The following MACROD2 variants were observed in gnomAD, a reference collection of about 807,000 sequenced individuals.
MACROD2 encodes the protein mono-ADP ribosylhydrolase 2.
A neutral mutation model predicts 70.4 loss-of-function variants in MACROD2; 36 were observed. The ratio of observed to expected loss-of-function variants is 0.51; its 90% confidence interval spans 0.39 to 0.68. The LOEUF is 0.68. MACROD2 is among the 30% of genes least tolerant of loss of function. MACROD2 has a pLI of 0.00. For synonymous variants in MACROD2, 172 were observed against 178.8 expected (o/e 0.96, Z 0.30); for missense variants, 496 against 538.4 (o/e 0.92, Z 0.78).
intron 3 of MACROD2, among the ~76,000 whole-genome samples, chr20:14,125,739 A>G (rs1005013397): frequency 2.6e-5 from 4 of 152,198 alleles, no homozygotes; most frequent in African/African-American, 9.6e-5. Flanking sequence ...TCACAAGTAT[A>G]CAGCATAACT....
chr20:15,498,711 G>A (rs984771006), intron 7 of MACROD2, among the ~76,000 whole-genome samples: 4 of 152,074 alleles, frequency 2.6e-5, no homozygotes, highest in African/African-American at 9.7e-5. Context: ...TTTTTGTTTT[G>A]GGATGATAAA....
chr20:14,154,137 CT>C (rs1009915660), intron 3 of MACROD2, among the ~76,000 whole-genome samples: 3 of 152,116 alleles, frequency 2.0e-5, no homozygotes, highest in Non-Finnish European at 2.9e-5. Flanking sequence ...AGATAAATGG[CT>C]TTTTTTCATT....
intron 8 of MACROD2, among the ~76,000 whole-genome samples, chr20:15,688,402 G>T (rs2050255206): frequency 6.6e-6 from 1 of 152,128 alleles, no homozygotes; most frequent in African/African-American, 2.4e-5. Flanking sequence ...ATTGGAAATG[G>T]GTCTTGAAGG....
At chr20:15,974,128 C>T (rs1383387314) in intron 13 of MACROD2, among the ~76,000 whole-genome samples, 1 of 152,094 alleles carries the variant, frequency 6.6e-6, no homozygotes, top group Non-Finnish European at 1.5e-5. Flanking sequence ...CCAAGTAGAT[C>T]TGGGATTTCA....
At position 15,487,380 on chromosome 20, in the gene MACROD2, T is replaced by C. The variant is rs867281101; in HGVS notation, c.572-12394T>C. On this transcript the variant is annotated intron_variant, in intron 7 of 17. Transcript: ENST00000684519. The stretch of plus-strand genomic sequence containing the variant: ...ATGCCTCACTTGATATCTTTTGGAA[T>C]GTCTTTGAAAATGAGTTTTAGGATG... 1.3e-4 allele frequency among the ~76,000 whole-genome samples: 20 copies of C among 152,342 alleles called. No homozygotes were observed. In the Middle Eastern group the frequency reaches 0.014, roughly 104 times the overall value.
At chr20:15,473,945 T>C (rs944033376) in intron 7 of MACROD2, among the ~76,000 whole-genome samples, 2 of 152,124 alleles carry the variant, frequency 1.3e-5, no homozygotes. Context: ...TGTTCCAGAG[T>C]GTGGTTTTGG....
intron 3 of MACROD2, among the ~76,000 whole-genome samples, chr20:14,249,392 T>C (rs1330465638): frequency 1.3e-5 from 2 of 151,764 alleles, no homozygotes; most frequent in Admixed American, 1.3e-4. Context: ...GTTGTGTATA[T>C]TTTGACAAGA....
chr20:15,131,528 A>T (rs1370228326), intron 5 of MACROD2, among the ~76,000 whole-genome samples: 1 of 152,112 alleles, frequency 6.6e-6, no homozygotes, highest in Non-Finnish European at 1.5e-5. Context: ...ATAATCATTG[A>T]TATCATTTAA....
At chr20:15,469,985 A>G (rs574126830) in intron 7 of MACROD2, among the ~76,000 whole-genome samples, 1 of 152,288 alleles carries the variant, frequency 6.6e-6, no homozygotes, top group Non-Finnish European at 1.5e-5. Context: ...CAACTTGACA[A>G]TTCTATAGTT....
intron 10 of MACROD2, among the ~76,000 whole-genome samples, chr20:15,924,213 C>T (rs1321854459): frequency 6.6e-6 from 1 of 152,214 alleles, no homozygotes; most frequent in East Asian, 1.9e-4. Context: ...GTGGTAGAAA[C>T]ACAGAATTGG....
chr20:15,605,453 C>CGTGTGTGTGTGT (rs57584580), intron 8 of MACROD2, among the ~76,000 whole-genome samples: 6,690 of 141,696 alleles, frequency 0.047, 370 homozygotes, highest in African/African-American at 0.13. Context: ...AGGATGTAAG[C>CGTGTGTGTGTGT]GTGTGTGTGT....
intron 3 of MACROD2, among the ~76,000 whole-genome samples, chr20:14,387,500 C>CT (rs2083481644): frequency 6.6e-6 from 1 of 152,134 alleles, no homozygotes. Flanking sequence ...AAAAAAGTGT[C>CT]TATCTTTTTA....
At chr20:15,186,917 G>T (rs143453470) in intron 5 of MACROD2, among the ~76,000 whole-genome samples, 1 of 152,088 alleles carries the variant, frequency 6.6e-6, no homozygotes, top group African/African-American at 2.4e-5. Context: ...TAATCATGAC[G>T]CATATTTTAA....
intron 5 of MACROD2, among the ~76,000 whole-genome samples, chr20:14,846,297 C>T (rs2073139219): frequency 6.6e-6 from 1 of 151,942 alleles, no homozygotes; most frequent in Admixed American, 6.6e-5. Flanking sequence ...GATCTCGGCT[C>T]ACTGCAACCT....
chr20:14,381,309 C>T (rs1277067841), intron 3 of MACROD2, among the ~76,000 whole-genome samples: 1 of 151,854 alleles, frequency 6.6e-6, no homozygotes, highest in Non-Finnish European at 1.5e-5. Flanking sequence ...GGTTTATTTC[C>T]CTTATTAAAG....
chr20:14,662,010 T>A (rs914428776), intron 4 of MACROD2, among the ~76,000 whole-genome samples: 4 of 152,084 alleles, frequency 2.6e-5, no homozygotes, highest in African/African-American at 7.2e-5. Flanking sequence ...TGGACTTCCA[T>A]AAATCATTAA....
chr20:15,478,215 G>A (rs2047048204), intron 7 of MACROD2, among the ~76,000 whole-genome samples: 2 of 152,198 alleles, frequency 1.3e-5, no homozygotes, highest in African/African-American at 4.8e-5. Context: ...ATATGGACCA[G>A]GCTTCATAGC....
chr20:14,201,512 A>G (rs975057589), intron 3 of MACROD2, among the ~76,000 whole-genome samples: 14 of 152,128 alleles, frequency 9.2e-5, no homozygotes, highest in African/African-American at 3.4e-4. Context: ...CTCACTGATG[A>G]TAGTTTATTA....
At chr20:15,086,610 C>G (rs979643430) in intron 5 of MACROD2, among the ~76,000 whole-genome samples, 1 of 152,038 alleles carries the variant, frequency 6.6e-6, no homozygotes, top group Non-Finnish European at 1.5e-5. Context: ...TTTTACCTAC[C>G]CTTTAGTCTG....
Sources: allele counts gnomAD v4.1 joint callset (sites outside exome capture counted in the v4.1 genomes callset), GRCh38; gene constraint gnomAD v4.1.1; transcripts MANE v1.5; gene names NCBI Gene and HGNC (gene_info 2026-07-23, HGNC 2026-07-21).